Variants in CNTLN observed in about 807,000 individuals in gnomAD.
CNTLN encodes centlein, centrosomal protein.
In CNTLN, 212 loss-of-function variants were observed where a neutral mutation model predicts 180.0. The ratio of observed to expected loss-of-function variants is 1.18; its 90% CI spans 1.05 to 1.32. CNTLN has a LOEUF of 1.32. CNTLN is among the 40% of genes most tolerant of loss of function. The pLI is 0.00. For synonymous variants in CNTLN, 722 were observed against 563.1 expected (o/e 1.28, Z -3.99); for missense variants, 2,095 against 1,610.9 (o/e 1.30, Z -5.14).
rs1266632434 is a variant in CNTLN at position 17,298,346 on chromosome 9, T to G, written c.1140T>G (p.Tyr380Ter). 8.1e-6 allele frequency: 13 copies of G among 1,609,098 alleles called. No homozygotes were observed. Among genetic ancestry groups the G allele is most frequent in the African/African-American group, 1.3e-5 (1 of 74,750 alleles). Residue 380 changes from tyrosine to a stop codon, truncating the protein, a stop_gained, in exon 7 of 26, where the codon TAT becomes TAG. Coordinates refer to ENST00000380647, the MANE Select transcript of CNTLN (RefSeq NM_017738.4). LOFTEE classifies it high-confidence loss of function. ...TTCACACAGCTGAAAGTATATCATA[T>G]CAAAAAGTATGCTTTTATTCTGTAA... ...EDVHTAESIS[Y>*]QKLYNELHIC... is the part of the protein sequence containing the mutation.
intron 8 of CNTLN, among the ~76,000 whole-genome samples, chr9:17,318,066 C>T (rs1000125227): frequency 8.8e-5 from 13 of 147,214 alleles, no homozygotes; most frequent in Middle Eastern, 3.5e-3. Context: ...CTCACTCTGT[C>T]GCCCAGGCTG....
chr9:17,260,850 G>C (rs1378592342), intron 5 of CNTLN, among the ~76,000 whole-genome samples: 1 of 150,852 alleles, frequency 6.6e-6, no homozygotes, highest in Non-Finnish European at 1.5e-5. Flanking sequence ...TCCATCTTGA[G>C]TATGGTGTAA....
chr9:17,464,800 T>C (rs1281103569), intron 21 of CNTLN, among the ~76,000 whole-genome samples, 177 bp downstream of exon 21: 1 of 151,206 alleles, frequency 6.6e-6, no homozygotes, highest in Non-Finnish European at 1.5e-5. Flanking sequence ...AATTCAATTC[T>C]CTAAAACCTC....
At chr9:17,147,195 AG>A (rs1179929753) in intron 2 of CNTLN, among the ~76,000 whole-genome samples, 1 of 152,210 alleles carries the variant, frequency 6.6e-6, no homozygotes, top group Non-Finnish European at 1.5e-5. Flanking sequence ...TGTAGTAGAT[AG>A]ACTTCATTGT....
At chr9:17,222,912 C>T (rs1383146581) in intron 2 of CNTLN, among the ~76,000 whole-genome samples, 1 of 152,030 alleles carries the variant, frequency 6.6e-6, no homozygotes, top group Non-Finnish European at 1.5e-5. Context: ...ACTGAATCCT[C>T]ATACTTCTTT....
chr9:17,261,635 C>T (rs1354919620), intron 5 of CNTLN, among the ~76,000 whole-genome samples: 1 of 151,372 alleles, frequency 6.6e-6, no homozygotes, highest in African/African-American at 2.4e-5. Flanking sequence ...AACGTGACTT[C>T]TTTTCCTATT....
intron 10 of CNTLN, among the ~76,000 whole-genome samples, chr9:17,339,391 C>CTTT (rs1821299295): frequency 6.6e-6 from 1 of 152,188 alleles, no homozygotes; most frequent in Admixed American, 6.5e-5. Context: ...AAGAAGCTAA[C>CTTT]TTTTGCTTTG....
intron 6 of CNTLN, among the ~76,000 whole-genome samples, chr9:17,290,537 C>G (rs1587515804): frequency 7.0e-6 from 1 of 142,878 alleles, no homozygotes; most frequent in African/African-American, 2.6e-5. Flanking sequence ...TGGGCTCCAC[C>G]CAGTTCGAGC....
intron 6 of CNTLN, among the ~76,000 whole-genome samples, chr9:17,290,618 C>T (rs964029482): frequency 6.9e-6 from 1 of 145,846 alleles, no homozygotes; most frequent in Non-Finnish European, 1.5e-5. Flanking sequence ...CTGGCTGCCG[C>T]CTTGCAGTTT....
intron 2 of CNTLN, among the ~76,000 whole-genome samples, chr9:17,221,970 C>T (rs778417800): frequency 1.6e-4 from 24 of 151,948 alleles, no homozygotes; most frequent in Non-Finnish European, 2.7e-4. Flanking sequence ...TACCTAAGGC[C>T]GAACAAACTA....
intron 10 of CNTLN, among the ~76,000 whole-genome samples, chr9:17,337,546 T>A (rs1821134836): frequency 6.6e-6 from 1 of 152,204 alleles, no homozygotes; most frequent in Non-Finnish European, 1.5e-5. Context: ...AGGGGCAGCA[T>A]TCACTGCTTT....
rs1476059154 is a variant in CNTLN at position 17,503,252 on chromosome 9, T to C, written c.*600T>C. The C allele has an allele frequency of 6.6e-6, 1 of 152,290 alleles. No homozygotes were observed. Among genetic ancestry groups the C allele is most frequent in the African/African-American group, 2.4e-5 (1 of 41,464 alleles). The allele number at this position is 152,290 out of a possible 1,614,324, so 9.4% of individuals were successfully genotyped here. A position where few individuals can be genotyped will look rare whatever the true frequency, so the allele number is the denominator to read the frequency against. On this transcript the variant is annotated 3_prime_UTR_variant, in exon 26 of 26. Coordinates refer to ENST00000380647, the MANE Select transcript of CNTLN (RefSeq NM_017738.4). ...CAAAAACATTTTCTTCTTCTCTCTCTTAACTTCACAATACTATACGTTGTG... is the reference window on the plus strand; with the variant it reads ...CAAAAACATTTTCTTCTTCTCTCTCCTAACTTCACAATACTATACGTTGTG...
intron 12 of CNTLN, among the ~76,000 whole-genome samples, chr9:17,357,651 A>T (rs1203113646): frequency 1.3e-5 from 2 of 148,764 alleles, no homozygotes; most frequent in African/African-American, 4.9e-5. Flanking sequence ...AAATTTTCTT[A>T]AAGAATTACA....
rs574287168 is a variant in CNTLN, at chr9:17,374,293, A to G, written c.1987+7576A>G. Among the ~76,000 whole-genome samples, 3 of 152,244 alleles carry G rather than the reference A, an allele frequency of 2.0e-5. No individual in the cohort carries two copies. In the South Asian group the frequency reaches 6.2e-4, roughly 32 times the overall value. On this transcript the variant is annotated intron_variant, in intron 13 of 25. Coordinates refer to ENST00000380647, the MANE Select transcript of CNTLN (RefSeq NM_017738.4). ...GGAAAAAATTTAATAATCCAATTAA[A>G]AAATGGGCCAAAGCTGTGAGTAGAC...
chr9:17,410,136 A>G (rs1247569388), intron 16 of CNTLN, among the ~76,000 whole-genome samples: 1 of 152,164 alleles, frequency 6.6e-6, no homozygotes, highest in Non-Finnish European at 1.5e-5. Context: ...AGTTCAGACC[A>G]AGAATATATG....
At chr9:17,217,082 A>G (rs901970049) in intron 2 of CNTLN, among the ~76,000 whole-genome samples, 2 of 152,248 alleles carry the variant, frequency 1.3e-5, no homozygotes, top group South Asian at 4.1e-4. Context: ...AACATGAAGA[A>G]TCACATTCAA....
At chr9:17,429,625 AATT>A (rs1477016670) in intron 18 of CNTLN, among the ~76,000 whole-genome samples, 1 of 151,994 alleles carries the variant, frequency 6.6e-6, no homozygotes, top group Admixed American at 6.6e-5. Flanking sequence ...ATTGGATAAG[AATT>A]ATTATCCTGT....
chr9:17,491,000 T>C (rs1339175934), intron 25 of CNTLN, among the ~76,000 whole-genome samples: 1 of 152,086 alleles, frequency 6.6e-6, no homozygotes, highest in Non-Finnish European at 1.5e-5. Context: ...ATATTCTAAT[T>C]GGTCTTACCT....
At chr9:17,442,385 T>C (rs1376482590) in intron 18 of CNTLN, among the ~76,000 whole-genome samples, 1 of 152,140 alleles carries the variant, frequency 6.6e-6, no homozygotes, top group African/African-American at 2.4e-5. Flanking sequence ...TCCACAAATG[T>C]GTAGAAATTA....
Sources: gnomAD v4.1 joint callset for allele counts (sites outside exome capture counted in the v4.1 genomes callset) on GRCh38, gnomAD v4.1.1 for gene constraint, MANE v1.5 for transcripts, NCBI Gene and HGNC (gene_info 2026-07-23, HGNC 2026-07-21) for gene names.